The following SMYD3 variants were observed in gnomAD, a reference collection of about 807,000 sequenced individuals.
SMYD3 encodes the protein SET and MYND domain containing 3, also known as histone-lysine N-methyltransferase SMYD3.
SMYD3 carries 36 observed loss-of-function variants against 57.7 expected under a neutral mutation model. That is an observed-to-expected ratio of 0.62 (90% confidence interval 0.48 to 0.82). The LOEUF is 0.82. Ranked by LOEUF, SMYD3 falls within the 40% of genes least tolerant of loss-of-function variation. The pLI is 0.00. For synonymous variants in SMYD3, 211 were observed against 195.0 expected, an observed-to-expected ratio of 1.08 and a Z score of -0.68; for missense variants, 515 against 538.8, an observed-to-expected ratio of 0.96 and a Z score of 0.44.
intron 1 of SMYD3, among the ~76,000 whole-genome samples, chr1:246,386,583 G>C (rs2066485075): frequency 6.6e-6 from 1 of 151,610 alleles, no homozygotes; most frequent in African/African-American, 2.4e-5. Context: ...CTTGAGGCCA[G>C]ATGTTCCAGA....
At position 246,455,476 on chromosome 1, in the gene SMYD3, T is replaced by C. The variant is rs747317026; in HGVS notation, c.164+51578A>G. On this transcript the variant is annotated intron_variant, in intron 1 of 11. Coordinates refer to ENST00000490107, the MANE Select transcript of SMYD3 (RefSeq NM_001167740.2). The stretch of plus-strand genomic sequence containing the variant: ...CAAGATATAACCAGCTAATATTTCA[T>C]TGAGCTATTACCAAATGTTAAGAGG... Among the ~76,000 whole-genome samples the C allele has an allele frequency of 1.1e-3, 173 of 152,324 alleles. 1 individual carries two copies. Among genetic ancestry groups the C allele is most frequent in the Admixed American group, 7.3e-3 (111 of 15,304 alleles).
chr1:245,822,232 T>C (rs2049202095), intron 10 of SMYD3, among the ~76,000 whole-genome samples: 1 of 151,672 alleles, frequency 6.6e-6, no homozygotes, highest in Non-Finnish European at 1.5e-5. Context: ...AAATGATGAG[T>C]TCATGTCCTT....
chr1:246,100,248 C>A (rs1558227922), intron 5 of SMYD3, among the ~76,000 whole-genome samples: 1 of 152,188 alleles, frequency 6.6e-6, no homozygotes, highest in Admixed American at 6.5e-5. Context: ...TTAGTATAAG[C>A]TTTTCATACT....
intron 8 of SMYD3, among the ~76,000 whole-genome samples, chr1:245,874,666 G>A (rs929948644): frequency 5.3e-5 from 8 of 152,130 alleles, no homozygotes; most frequent in Non-Finnish European, 7.4e-5. Context: ...GAAACATGTC[G>A]CTGTTCGAGG....
At chr1:246,002,591 T>G (rs113003048) in intron 5 of SMYD3, among the ~76,000 whole-genome samples, 3 of 126,678 alleles carry the variant, frequency 2.4e-5, no homozygotes, top group African/African-American at 5.9e-5. Flanking sequence ...GTGCTGGGAT[T>G]ACAGGCGCCC....
At chr1:246,502,724 C>T (rs1301188950) in intron 1 of SMYD3, among the ~76,000 whole-genome samples, 3 of 152,162 alleles carry the variant, frequency 2.0e-5, no homozygotes, top group Non-Finnish European at 2.9e-5. Context: ...TGGATCCTCA[C>T]TGGTCTCTGC....
intron 5 of SMYD3, among the ~76,000 whole-genome samples, chr1:246,282,331 A>AAAAAAAAAAAAAAC (rs2064465827): frequency 2.4e-5 from 3 of 127,018 alleles, no homozygotes; most frequent in African/African-American, 8.3e-5. Flanking sequence ...AAAAAAAAAA[A>AAAAAAAAAAAAAAC]AAAAAAAAAG....
chr1:245,817,743 G>A (rs953918035), intron 10 of SMYD3, among the ~76,000 whole-genome samples: 1 of 152,160 alleles, frequency 6.6e-6, no homozygotes, highest in Non-Finnish European at 1.5e-5. Flanking sequence ...AGAACTATGT[G>A]AAGAATGCAG....
At chr1:245,976,982 A>ATGTTATTGT in intron 5 of SMYD3, among the ~76,000 whole-genome samples, 1 of 61,448 alleles carries the variant, frequency 1.6e-5, no homozygotes, top group Admixed American at 1.9e-4. Context: ...TCTCCGGCCC[A>ATGTTATTGT]GGGAAAGCCA....
intron 5 of SMYD3, among the ~76,000 whole-genome samples, chr1:246,216,422 T>C (rs1312265893): frequency 3.9e-5 from 6 of 152,082 alleles, no homozygotes; most frequent in Non-Finnish European, 8.8e-5. Flanking sequence ...CATCAGTACA[T>C]TGTTTGTACC....
intron 1 of SMYD3, among the ~76,000 whole-genome samples, chr1:246,361,062 C>G (rs549568701): frequency 3.3e-5 from 5 of 152,210 alleles, no homozygotes; most frequent in Non-Finnish European, 7.3e-5. Context: ...CGACAAAGGA[C>G]TCATATCCAG....
intron 1 of SMYD3, among the ~76,000 whole-genome samples, chr1:246,478,229 T>C (rs2068052659): frequency 6.6e-6 from 1 of 152,390 alleles, no homozygotes; most frequent in Non-Finnish European, 1.5e-5. Flanking sequence ...CTTTAAATGA[T>C]AGGAGATTTC....
intron 5 of SMYD3, among the ~76,000 whole-genome samples, chr1:246,146,864 T>A (rs1380262809): frequency 2.0e-5 from 3 of 152,106 alleles, no homozygotes; most frequent in Non-Finnish European, 4.4e-5. Context: ...CTCTCCAAAC[T>A]GTTCCTCCCT....
intron 10 of SMYD3, among the ~76,000 whole-genome samples, chr1:245,765,054 A>ACACACACACACG (rs2046015424): frequency 7.1e-6 from 1 of 141,322 alleles, no homozygotes; most frequent in Non-Finnish European, 1.5e-5. Flanking sequence ...CTACACACAC[A>ACACACACACACG]CACACACACA....
intron 1 of SMYD3, among the ~76,000 whole-genome samples, chr1:246,360,323 A>T (rs2065968165): frequency 6.6e-6 from 1 of 152,188 alleles, no homozygotes; most frequent in Non-Finnish European, 1.5e-5. Flanking sequence ...ACAAATGGAA[A>T]CATGTCCCAT....
chr1:246,264,064 A>T (rs553942933), intron 5 of SMYD3, among the ~76,000 whole-genome samples: 1 of 152,066 alleles, frequency 6.6e-6, no homozygotes, highest in South Asian at 2.1e-4. Flanking sequence ...TTGCCTTTTT[A>T]AAAACTTTGT....
intron 10 of SMYD3, among the ~76,000 whole-genome samples, chr1:245,826,866 T>C (rs57304142): frequency 0.021 from 3,147 of 152,224 alleles, 62 homozygotes; most frequent in East Asian, 0.084. Context: ...ACTCACTCAC[T>C]ATCATGAGAA....
chr1:246,210,236 T>G (rs1015189259), intron 5 of SMYD3, among the ~76,000 whole-genome samples: 54 of 152,208 alleles, frequency 3.5e-4, no homozygotes, highest in African/African-American at 1.3e-3. Context: ...AAGAGGATGC[T>G]CTCCATTACA....
At chr1:246,340,696 C>T (rs1045896244) in intron 2 of SMYD3, among the ~76,000 whole-genome samples, 19 of 151,858 alleles carry the variant, frequency 1.3e-4, no homozygotes, top group Non-Finnish European at 2.5e-4. Flanking sequence ...ATTGTTGACA[C>T]AGAAATATTA....
Sources: allele counts gnomAD v4.1 joint callset (sites outside exome capture counted in the v4.1 genomes callset), GRCh38; gene constraint gnomAD v4.1.1; transcripts MANE v1.5; gene names NCBI Gene and HGNC (gene_info 2026-07-23, HGNC 2026-07-21).